Variants in COL21A1 observed in about 807,000 individuals in gnomAD.
COL21A1 encodes the protein collagen alpha-1(XXI) chain.
Under a neutral mutation model 137.9 loss-of-function variants are expected in COL21A1, and 149 were observed. That is an observed-to-expected ratio of 1.08 (90% CI 0.95 to 1.24). The LOEUF is 1.24. Among genes scored for constraint, COL21A1 ranks in the 50% most tolerant of loss-of-function variants. The probability of loss-of-function intolerance (pLI) is 0.00; values close to 1 mark genes in which losing one functional copy is unlikely to be tolerated. For missense variants in COL21A1, 1,167 were observed against 1,158.4 expected, an observed-to-expected ratio of 1.01 and a Z score of -0.11; for synonymous variants, 456 against 391.5, an observed-to-expected ratio of 1.16 and a Z score of -1.95.
intron 12 of COL21A1, among the ~76,000 whole-genome samples, chr6:56,128,785 G>A (rs1297208781): frequency 6.6e-6 from 1 of 152,150 alleles, no homozygotes; most frequent in Non-Finnish European, 1.5e-5. Flanking sequence ...CTCCTGAGTA[G>A]CCGGGATTAC....
At chr6:56,223,837 C>T (rs1456483050) in intron 1 of COL21A1, among the ~76,000 whole-genome samples, 1 of 152,032 alleles carries the variant, frequency 6.6e-6, no homozygotes, top group Non-Finnish European at 1.5e-5. Context: ...TTAATTGATA[C>T]ATGCATTAAG....
At chr6:56,341,155 G>A (rs1432439585) in intron 1 of COL21A1, among the ~76,000 whole-genome samples, 1 of 152,056 alleles carries the variant, frequency 6.6e-6, no homozygotes, top group Non-Finnish European at 1.5e-5. Context: ...GAAGAGAAGA[G>A]AGAATACATT....
chr6:56,256,404 A>G (rs112328547), intron 1 of COL21A1, among the ~76,000 whole-genome samples: 19 of 152,308 alleles, frequency 1.2e-4, no homozygotes, highest in African/African-American at 4.1e-4. Flanking sequence ...TAATTCCAGC[A>G]TTTTCATTCT....
chr6:56,335,407 C>G (rs1297723407), intron 1 of COL21A1, among the ~76,000 whole-genome samples: 1 of 152,138 alleles, frequency 6.6e-6, no homozygotes, highest in African/African-American at 2.4e-5. Flanking sequence ...TAGTGACAAT[C>G]CCAGAAATTA....
In COL21A1 at chr6:56,059,249, G is replaced by T; in HGVS notation, c.2609-7C>A. On this transcript the variant is annotated splice_polypyrimidine_tract_variant and splice_region_variant and intron_variant, in intron 28 of 29. Coordinates refer to ENST00000244728, the MANE Select transcript of COL21A1 (RefSeq NM_030820.4). Reference sequence around the variant, plus strand: ...CCATTTCTTCCTGGTAGGCCTGCAGGGTGTCAAACATCTGAGTAAGTTTAC... The same window carrying T: ...CCATTTCTTCCTGGTAGGCCTGCAGTGTGTCAAACATCTGAGTAAGTTTAC... 6.3e-7 allele frequency: 1 copy of T among 1,585,144 alleles called. No individual in the cohort carries two copies. The highest frequency in any genetic ancestry group is 8.6e-7 in the Non-Finnish European group (1 of 1,169,334).
intron 1 of COL21A1, among the ~76,000 whole-genome samples, chr6:56,381,237 T>C (rs1226992399): frequency 6.6e-6 from 1 of 152,244 alleles, no homozygotes; most frequent in African/African-American, 2.4e-5. Context: ...TTAATTTTTA[T>C]GTGGTCGAGT....
intron 16 of COL21A1, among the ~76,000 whole-genome samples, chr6:56,108,136 A>G (rs1771114861): frequency 6.6e-6 from 1 of 152,020 alleles, no homozygotes; most frequent in African/African-American, 2.4e-5. Flanking sequence ...CTAAATCCCA[A>G]AGAAATTAAA....
intron 1 of COL21A1, among the ~76,000 whole-genome samples, chr6:56,366,399 T>C (rs1250658644): frequency 2.0e-5 from 3 of 152,140 alleles, no homozygotes; most frequent in Non-Finnish European, 4.4e-5. Context: ...CTGACGAGTG[T>C]CTGGTTGGGA....
At chr6:56,205,033 C>G (rs1779668929) in intron 1 of COL21A1, among the ~76,000 whole-genome samples, 1 of 152,066 alleles carries the variant, frequency 6.6e-6, no homozygotes, top group African/African-American at 2.4e-5. Flanking sequence ...TGGGGAGAAA[C>G]CAGTGCAAAA....
intron 1 of COL21A1, among the ~76,000 whole-genome samples, chr6:56,198,686 C>T (rs1052691903): frequency 4.6e-5 from 7 of 152,050 alleles, no homozygotes; most frequent in Non-Finnish European, 1.0e-4. Context: ...GGAGGCCATG[C>T]TTTCAGATCT....
At chr6:56,289,441 CAG>C (rs1763988373) in intron 1 of COL21A1, among the ~76,000 whole-genome samples, 1 of 152,178 alleles carries the variant, frequency 6.6e-6, no homozygotes, top group African/African-American at 2.4e-5. Flanking sequence ...AGCAAACAAA[CAG>C]AGCGTGCATC....
chr6:56,330,037 A>G (rs1270707517), intron 1 of COL21A1, among the ~76,000 whole-genome samples: 1 of 152,044 alleles, frequency 6.6e-6, no homozygotes, highest in Non-Finnish European at 1.5e-5. Context: ...ATTCAATATA[A>G]CCTCTATTAG....
At chr6:56,243,523 G>A (rs928913163) in intron 1 of COL21A1, among the ~76,000 whole-genome samples, 1 of 152,152 alleles carries the variant, frequency 6.6e-6, no homozygotes, top group South Asian at 2.1e-4. Context: ...CACTTTCAGA[G>A]GTGAAAACAG....
At chr6:56,275,676 C>A (rs977586352) in intron 1 of COL21A1, among the ~76,000 whole-genome samples, 4 of 152,016 alleles carry the variant, frequency 2.6e-5, no homozygotes, top group Non-Finnish European at 5.9e-5. Flanking sequence ...GAGATAGATA[C>A]CATCTCACAC....
chr6:56,074,390 T>C, intron 19 of COL21A1, 105 bp from the exon 20 acceptor site: 2 of 697,204 alleles, frequency 2.9e-6, no homozygotes, highest in Non-Finnish European at 4.8e-6. Flanking sequence ...CACTAAATTA[T>C]AATACAGATC....
chr6:56,324,115 A>T (rs892975964), intron 1 of COL21A1, among the ~76,000 whole-genome samples: 6 of 152,140 alleles, frequency 3.9e-5, no homozygotes, highest in Non-Finnish European at 5.9e-5. Context: ...AGAGATCAAC[A>T]TTAATTTAAT....
intron 1 of COL21A1, among the ~76,000 whole-genome samples, chr6:56,326,408 G>T (rs1479341161): frequency 6.6e-6 from 1 of 151,720 alleles, no homozygotes; most frequent in East Asian, 1.9e-4. Flanking sequence ...GAAGCAAAAG[G>T]ATAATAATGA....
chr6:56,393,039 G>A (rs2094032781), intron 1 of COL21A1, among the ~76,000 whole-genome samples: 1 of 123,920 alleles, frequency 8.1e-6, no homozygotes, highest in Non-Finnish European at 1.7e-5. Context: ...GATAACTAAA[G>A]CAATCCTTAG....
At chr6:56,288,577 A>G (rs1307710821) in intron 1 of COL21A1, among the ~76,000 whole-genome samples, 1 of 152,186 alleles carries the variant, frequency 6.6e-6, no homozygotes, top group Non-Finnish European at 1.5e-5. Flanking sequence ...GCCAGCCAAG[A>G]TACAAGAGCC....
Sources: gnomAD v4.1 joint callset for allele counts (sites outside exome capture counted in the v4.1 genomes callset) on GRCh38, gnomAD v4.1.1 for gene constraint, MANE v1.5 for transcripts, NCBI Gene and HGNC (gene_info 2026-07-23, HGNC 2026-07-21) for gene names.